Variants in SLC36A1 observed in about 807,000 individuals in gnomAD.
The protein encoded by SLC36A1 is solute carrier family 36 member 1, also known as proton-coupled amino acid transporter 1.
SLC36A1 carries 30 observed loss-of-function variants against 47.5 expected under a neutral mutation model. The observed-to-expected ratio is 0.63, with a 90% confidence interval of 0.47 to 0.86. The LOEUF (loss-of-function observed/expected upper bound fraction) is 0.86. SLC36A1 is among the 40% of genes least tolerant of loss of function. The probability of loss-of-function intolerance (pLI) is 0.00; values close to 1 mark genes in which losing one functional copy is unlikely to be tolerated. For synonymous variants in SLC36A1, 255 were observed against 249.7 expected (o/e 1.02, Z -0.20); for missense variants, 517 against 606.0 (o/e 0.85, Z 1.54).
At chr5:151,554,708 A>G in the SLC36A1 span, 1 of 1,536,666 alleles carries the variant, frequency 6.5e-7, no homozygotes, top group Non-Finnish European at 8.9e-7. Flanking sequence ...ACCTGAGCTG[A>G]CAATTGCAAA....
intron 1 of SLC36A1, among the ~76,000 whole-genome samples, chr5:151,448,531 G>C (rs562423983): frequency 5.9e-5 from 9 of 152,248 alleles, no homozygotes; most frequent in African/African-American, 2.2e-4. Flanking sequence ...TGCATTCTAT[G>C]TAAGTCACAC....
the SLC36A1 span, among the ~76,000 whole-genome samples, chr5:151,355,259 G>A: frequency 6.6e-6 from 1 of 151,940 alleles, no homozygotes; most frequent in Non-Finnish European, 1.5e-5. Flanking sequence ...CACAAGGCGC[G>A]GGAGCATAGA....
At chr5:151,395,157 G>T in the SLC36A1 span, among the ~76,000 whole-genome samples, 1 of 152,204 alleles carries the variant, frequency 6.6e-6, no homozygotes, top group African/African-American at 2.4e-5. Context: ...ATCTCAGACT[G>T]CTGTGCTAGC....
chr5:151,380,454 T>C, the SLC36A1 span: 2 of 437,534 alleles, frequency 4.6e-6, no homozygotes, highest in Admixed American at 5.4e-5. Flanking sequence ...GCTCAAGACC[T>C]AGCTAGATGA....
At chr5:151,465,008 T>G in intron 4 of SLC36A1, 66 bp from the exon 5 acceptor site, 1 of 1,324,456 alleles carries the variant, frequency 7.6e-7, no homozygotes, top group East Asian at 2.3e-5. Context: ...GTGGCTCTTT[T>G]TGTTCTGTCA....
intron 1 of SLC36A1, among the ~76,000 whole-genome samples, chr5:151,457,942 G>A (rs1393803850): frequency 4.0e-5 from 6 of 151,578 alleles, no homozygotes; most frequent in Non-Finnish European, 5.9e-5. Flanking sequence ...TCCGCCTCCC[G>A]GTTTCAAGCG....
chr5:151,496,203 G>T (rs1760334611), downstream of SLC36A1, among the ~76,000 whole-genome samples: 1 of 152,060 alleles, frequency 6.6e-6, no homozygotes, highest in Non-Finnish European at 1.5e-5. Context: ...TTTAAAAAGG[G>T]GTGTCTCCCT....
At chr5:151,425,253 A>C in the SLC36A1 span, 5 of 152,150 alleles carry the variant, frequency 3.3e-5, no homozygotes, top group African/African-American at 1.2e-4. Context: ...CCCACATTCC[A>C]CGCCCCGGCG....
upstream of SLC36A1, among the ~76,000 whole-genome samples, chr5:151,445,452 C>T (rs1246060451): frequency 6.6e-6 from 1 of 152,074 alleles, no homozygotes; most frequent in Non-Finnish European, 1.5e-5. Context: ...TTTCTTGTGG[C>T]GTCTTTCTCT....
downstream of SLC36A1, among the ~76,000 whole-genome samples, chr5:151,495,256 G>C (rs988873319): frequency 1.3e-5 from 2 of 152,054 alleles, no homozygotes; most frequent in African/African-American, 4.8e-5. Flanking sequence ...ACCTCTTTAC[G>C]TGCTTATTGG....
chr5:151,426,355 C>T, the SLC36A1 span, among the ~76,000 whole-genome samples: 13 of 151,862 alleles, frequency 8.6e-5, no homozygotes, highest in Admixed American at 5.2e-4. Flanking sequence ...TCTCCTATCT[C>T]GGTGAGGGGG....
chr5:151,483,520 G>A (rs1194387933), intron 10 of SLC36A1, among the ~76,000 whole-genome samples: 1 of 144,658 alleles, frequency 6.9e-6, no homozygotes, highest in African/African-American at 2.7e-5. Flanking sequence ...GTGTGTGTGG[G>A]GGGGGTGATT....
intron 8 of SLC36A1, 55 bp downstream of exon 8, chr5:151,473,826 C>A: frequency 7.5e-7 from 1 of 1,336,352 alleles, no homozygotes; most frequent in Non-Finnish European, 1.1e-6. Flanking sequence ...TGGTGTTCTC[C>A]AGGTCTGTTT....
the SLC36A1 span, among the ~76,000 whole-genome samples, chr5:151,404,107 G>A: frequency 5.9e-5 from 9 of 152,206 alleles, no homozygotes; most frequent in Non-Finnish European, 8.8e-5. Context: ...AATATTGGGT[G>A]TGAATGTATT....
intron 7 of SLC36A1, among the ~76,000 whole-genome samples, chr5:151,473,216 AGAT>A (rs761399781): frequency 1.3e-5 from 2 of 151,326 alleles, no homozygotes; most frequent in African/African-American, 4.9e-5. Flanking sequence ...ATAGATAGAT[AGAT>A]AGATAGAATA....
At chr5:151,450,417 G>C (rs1476335961) in intron 1 of SLC36A1, among the ~76,000 whole-genome samples, 1 of 150,808 alleles carries the variant, frequency 6.6e-6, no homozygotes, top group Non-Finnish European at 1.5e-5. Context: ...AGCATGTAGA[G>C]TGGATGGAGC....
the SLC36A1 span, chr5:151,542,945 G>A: frequency 6.8e-5 from 110 of 1,614,154 alleles, 1 homozygote; most frequent in African/African-American, 4.1e-4. Context: ...GTAGTGCCCC[G>A]CACTAGACTG....
the SLC36A1 span, among the ~76,000 whole-genome samples, chr5:151,400,243 G>T: frequency 6.6e-6 from 1 of 152,158 alleles, no homozygotes; most frequent in Non-Finnish European, 1.5e-5. Context: ...CCACTTATCA[G>T]TGAGAATATG....
the SLC36A1 span, among the ~76,000 whole-genome samples, chr5:151,536,760 C>A: frequency 6.6e-6 from 1 of 152,176 alleles, no homozygotes; most frequent in Admixed American, 6.5e-5. Context: ...GAGGTGTTAT[C>A]CCTGGTTTGC....
Sources: gnomAD v4.1 joint callset for allele counts (sites outside exome capture counted in the v4.1 genomes callset) on GRCh38, gnomAD v4.1.1 for gene constraint, MANE v1.5 for transcripts, NCBI Gene and HGNC (gene_info 2026-07-23, HGNC 2026-07-21) for gene names.